The following PKHD1 variants were observed in gnomAD, a reference collection of about 807,000 sequenced individuals.
PKHD1 encodes PKHD1 ciliary IPT domain containing fibrocystin/polyductin, also known as fibrocystin.
A neutral mutation model predicts 412.0 loss-of-function variants in PKHD1; 291 were observed. The observed-to-expected ratio is 0.71, with a 90% confidence interval of 0.64 to 0.78. The LOEUF (loss-of-function observed/expected upper bound fraction) is 0.78. Among genes scored for constraint, PKHD1 ranks in the 30% least tolerant of loss-of-function variants. The probability of loss-of-function intolerance (pLI) is 0.00; values close to 1 mark genes in which losing one functional copy is unlikely to be tolerated. For synonymous variants in PKHD1, 1,777 were observed against 1,821.5 expected (o/e 0.98, Z 0.62); for missense variants, 4,825 against 4,950.7 (o/e 0.97, Z 0.76).
At chr6:51,924,846 G>A (rs1785271632) in intron 37 of PKHD1, among the ~76,000 whole-genome samples, 1 of 152,110 alleles carries the variant, frequency 6.6e-6, no homozygotes, top group Admixed American at 6.5e-5. Flanking sequence ...CAAATCAAAA[G>A]TGTAAACAAA....
intron 35 of PKHD1, among the ~76,000 whole-genome samples, chr6:51,987,440 T>C (rs909867590): frequency 2.0e-5 from 3 of 152,206 alleles, no homozygotes; most frequent in Admixed American, 6.5e-5. Context: ...TTATTAGCCC[T>C]ATTTATGATG....
At chr6:51,969,948 A>G (rs1793424864) in intron 35 of PKHD1, among the ~76,000 whole-genome samples, 1 of 152,192 alleles carries the variant, frequency 6.6e-6, no homozygotes, top group Admixed American at 6.5e-5. Context: ...CTTTGGGTAG[A>G]TACCCAGTAG....
At chr6:51,784,584 T>C (rs2151214879) in intron 53 of PKHD1, among the ~76,000 whole-genome samples, 1 of 152,298 alleles carries the variant, frequency 6.6e-6, no homozygotes, top group East Asian at 1.9e-4. Context: ...TTCTGTCTTG[T>C]TAAAGCCATA....
chr6:51,953,031 G>A (rs557147990), intron 36 of PKHD1, among the ~76,000 whole-genome samples: 2 of 152,216 alleles, frequency 1.3e-5, no homozygotes, highest in South Asian at 2.1e-4. Context: ...AACCATAAAA[G>A]AGTCTGTGAC....
intron 43 of PKHD1, among the ~76,000 whole-genome samples, chr6:51,901,291 C>T (rs1176893867): frequency 6.6e-6 from 1 of 152,156 alleles, no homozygotes; most frequent in Non-Finnish European, 1.5e-5. Flanking sequence ...CAATGATAGA[C>T]TGCATCAAGA....
intron 60 of PKHD1, among the ~76,000 whole-genome samples, chr6:51,660,887 T>C (rs1433393926): frequency 6.6e-6 from 1 of 152,086 alleles, no homozygotes; most frequent in African/African-American, 2.4e-5. Flanking sequence ...TTGTTGGTGA[T>C]CGACTCAACC....
chr6:51,677,270 A>T (rs554855182), intron 60 of PKHD1, among the ~76,000 whole-genome samples: 16 of 152,172 alleles, frequency 1.1e-4, no homozygotes, highest in Non-Finnish European at 1.9e-4. Context: ...TTTGTTAGAC[A>T]GTGGCCCTTC....
At position 52,069,690 on chromosome 6, in the gene PKHD1, C is replaced by A. The variant is rs140696357; in HGVS notation, c.708-163G>T. 3.3e-3 allele frequency among the ~76,000 whole-genome samples: 496 copies of A among 152,192 alleles called. 3 individuals carry two copies. Among genetic ancestry groups the A allele is most frequent in the African/African-American group, 0.011 (461 of 41,518 alleles). On this transcript the variant is annotated intron_variant, in intron 10 of 66. Transcript: ENST00000371117. ...TAACTAAAGAACAATACCAACAGGA[C>A]AAAGTTGTTTTCTGATATATAAAAT...
At chr6:51,888,892 T>G (rs1218266546) in intron 43 of PKHD1, among the ~76,000 whole-genome samples, 1 of 151,054 alleles carries the variant, frequency 6.6e-6, no homozygotes, top group African/African-American at 2.4e-5. Flanking sequence ...GCTGCTGCAC[T>G]GCAGTGATGC....
At chr6:52,057,014 G>A in intron 16 of PKHD1, 35 bp from the exon 17 acceptor site, 1 of 1,374,430 alleles carries the variant, frequency 7.3e-7, no homozygotes, top group Non-Finnish European at 1.0e-6. Context: ...CTAAATGATG[G>A]TGCTAATTAA....
At chr6:51,975,963 T>TAAAAAAAAAAAAAAAAAAAA (rs66774242) in intron 35 of PKHD1, 1 of 69,768 alleles carries the variant, frequency 1.4e-5, no homozygotes, top group Non-Finnish European at 2.7e-5. Flanking sequence ...TTTCTCTAAT[T>TAAAAAAAAAAAAAAAAAAAA]AAAAAAAAAA....
chr6:51,701,141 A>G (rs1002705505), intron 60 of PKHD1, among the ~76,000 whole-genome samples: 1 of 152,170 alleles, frequency 6.6e-6, no homozygotes, highest in African/African-American at 2.4e-5. Flanking sequence ...AATTTTGAAT[A>G]ACTAAAACAT....
At chr6:52,002,436 TCTC>T (rs1798542693) in intron 35 of PKHD1, among the ~76,000 whole-genome samples, 1 of 152,156 alleles carries the variant, frequency 6.6e-6, no homozygotes, top group Non-Finnish European at 1.5e-5. Context: ...CTTTCCAGCT[TCTC>T]CTCCCCCTGA....
intron 35 of PKHD1, among the ~76,000 whole-genome samples, chr6:52,010,055 G>C (rs1581725104): frequency 6.6e-6 from 1 of 152,026 alleles, no homozygotes; most frequent in African/African-American, 2.4e-5. Flanking sequence ...AGGACAAAAT[G>C]CCAAGCAGAT....
intron 37 of PKHD1, among the ~76,000 whole-genome samples, chr6:51,930,220 C>T (rs938252858): frequency 6.6e-6 from 1 of 152,100 alleles, no homozygotes; most frequent in Admixed American, 6.6e-5. Context: ...TACCCAAACC[C>T]CAGACTGCCA....
intron 60 of PKHD1, among the ~76,000 whole-genome samples, chr6:51,733,431 T>A (rs1303785358): frequency 6.6e-6 from 1 of 150,972 alleles, no homozygotes; most frequent in Non-Finnish European, 1.5e-5. Context: ...TCCCAGCTAC[T>A]GAGGCTGAGG....
chr6:52,083,795 A>G (rs564575688), intron 2 of PKHD1, among the ~76,000 whole-genome samples: 87 of 152,046 alleles, frequency 5.7e-4, no homozygotes, highest in Middle Eastern at 3.4e-3. Context: ...CTTTTGCACC[A>G]ACCTAATAGA....
chr6:51,738,197 G>A (rs552610176), intron 60 of PKHD1, among the ~76,000 whole-genome samples: 212 of 152,270 alleles, frequency 1.4e-3, no homozygotes, highest in Middle Eastern at 0.014. Flanking sequence ...TGCACTGCCC[G>A]CCTCCAGACA....
intron 57 of PKHD1, among the ~76,000 whole-genome samples, chr6:51,750,324 A>G (rs1304875808): frequency 6.6e-6 from 1 of 152,228 alleles, no homozygotes; most frequent in Non-Finnish European, 1.5e-5. Context: ...TAGCTGAAAG[A>G]GCTGGCAAAC....
Sources: gnomAD v4.1 joint callset for allele counts (sites outside exome capture counted in the v4.1 genomes callset) on GRCh38, gnomAD v4.1.1 for gene constraint, MANE v1.5 for transcripts, NCBI Gene and HGNC (gene_info 2026-07-23, HGNC 2026-07-21) for gene names.